COMMD10: variants seen among roughly 807,000 people sequenced by gnomAD.
COMMD10 encodes the protein COMM domain containing 10, also known as COMM domain-containing protein 10.
Under a neutral mutation model 28.9 loss-of-function variants are expected in COMMD10, and 33 were observed. That is an observed-to-expected ratio of 1.14 (90% CI 0.87 to 1.53). The LOEUF (loss-of-function observed/expected upper bound fraction) is 1.53. COMMD10 is among the 40% of genes most tolerant of loss of function. COMMD10 has a pLI of 0.00. For missense variants in COMMD10, 310 were observed against 233.4 expected, an observed-to-expected ratio of 1.33 and a Z score of -2.14; for synonymous variants, 110 against 81.7, an observed-to-expected ratio of 1.35 and a Z score of -1.87.
chr5:116,206,800 T>G (rs1288744227), intron 5 of COMMD10, among the ~76,000 whole-genome samples: 2 of 152,212 alleles, frequency 1.3e-5, no homozygotes, highest in Non-Finnish European at 2.9e-5. Context: ...AGCAAACCTC[T>G]TTGGCAGATT....
At chr5:116,190,471 G>A (rs558100144) in intron 5 of COMMD10, among the ~76,000 whole-genome samples, 12 of 152,142 alleles carry the variant, frequency 7.9e-5, no homozygotes, top group African/African-American at 2.9e-4. Context: ...TTTATAGTTT[G>A]ATAAATACCC....
intron 4 of COMMD10, among the ~76,000 whole-genome samples, chr5:116,116,931 T>C (rs1751259656): frequency 6.6e-6 from 1 of 152,192 alleles, no homozygotes; most frequent in Non-Finnish European, 1.5e-5. Flanking sequence ...TAACAAAGTA[T>C]AGAAAATTTT....
intron 5 of COMMD10, among the ~76,000 whole-genome samples, chr5:116,211,349 G>A (rs986242999): frequency 2.0e-5 from 3 of 152,092 alleles, no homozygotes; most frequent in African/African-American, 7.2e-5. Context: ...GTTACTCTAA[G>A]ACTGTAAACC....
chr5:116,121,467 C>A (rs530861521), intron 4 of COMMD10, among the ~76,000 whole-genome samples: 8 of 152,288 alleles, frequency 5.3e-5, no homozygotes, highest in African/African-American at 1.9e-4. Context: ...TTTATAGTAG[C>A]ATGATTTATA....
intron 5 of COMMD10, among the ~76,000 whole-genome samples, chr5:116,136,278 A>G (rs1200485820): frequency 2.6e-5 from 4 of 152,170 alleles, no homozygotes; most frequent in African/African-American, 9.6e-5. Context: ...GAACTGAGTA[A>G]GTTATTCCTT....
At chr5:116,218,461 A>G (rs1749161101) in intron 5 of COMMD10, among the ~76,000 whole-genome samples, 1 of 152,148 alleles carries the variant, frequency 6.6e-6, no homozygotes, top group Admixed American at 6.5e-5. Flanking sequence ...TGTACATTTA[A>G]GTTGTTTATT....
intron 5 of COMMD10, among the ~76,000 whole-genome samples, chr5:116,216,295 G>T (rs534974106): frequency 6.6e-6 from 1 of 152,186 alleles, no homozygotes; most frequent in Non-Finnish European, 1.5e-5. Context: ...TTAAATGTAT[G>T]TTAACAAAAG....
rs1195794556 is a variant in COMMD10 at position 116,129,018 on chromosome 5, T to C, written c.400-5050T>C. ...ACTGTATCACTACTCTTTTCTTTTA[T>C]AAATAAAGAGCAGTCGTGGGTAGAT... is the stretch of plus-strand genomic sequence containing the variant. On this transcript the variant is annotated intron_variant, in intron 4 of 6. Transcript: ENST00000274458. 2.6e-5 allele frequency among the ~76,000 whole-genome samples: 4 copies of C among 151,926 alleles called. No individual in the cohort carries two copies. The East Asian group carries it at 7.7e-4, about 29-fold the overall frequency.
intron 5 of COMMD10, among the ~76,000 whole-genome samples, chr5:116,273,486 T>G (rs975473031): frequency 6.6e-6 from 1 of 151,846 alleles, no homozygotes; most frequent in African/African-American, 2.4e-5. Flanking sequence ...CAATTTCAAG[T>G]TCAAAATTAT....
intron 5 of COMMD10, among the ~76,000 whole-genome samples, chr5:116,163,812 G>T (rs1394698121): frequency 4.6e-5 from 7 of 152,076 alleles, no homozygotes; most frequent in Admixed American, 3.9e-4. Flanking sequence ...GAAATTATAT[G>T]TCTTTTTTAA....
intron 4 of COMMD10, among the ~76,000 whole-genome samples, chr5:116,107,511 G>C (rs971686632): frequency 6.6e-6 from 1 of 152,012 alleles, no homozygotes; most frequent in Non-Finnish European, 1.5e-5. Context: ...TTCTCGTGCT[G>C]TGTTTTTCAG....
intron 5 of COMMD10, among the ~76,000 whole-genome samples, chr5:116,234,233 T>A (rs1171168823): frequency 6.6e-6 from 1 of 152,106 alleles, no homozygotes; most frequent in Non-Finnish European, 1.5e-5. Flanking sequence ...TACAATGAAA[T>A]TCCTCATAGA....
At chr5:116,145,199 A>T (rs927881143) in intron 5 of COMMD10, among the ~76,000 whole-genome samples, 1 of 151,836 alleles carries the variant, frequency 6.6e-6, no homozygotes, top group Non-Finnish European at 1.5e-5. Flanking sequence ...GTTATTTTGG[A>T]TATTGGACAA....
At chr5:116,245,670 G>A (rs1050724453) in intron 5 of COMMD10, among the ~76,000 whole-genome samples, 18 of 152,126 alleles carry the variant, frequency 1.2e-4, no homozygotes, top group Admixed American at 5.2e-4. Context: ...TCCCTGGGCT[G>A]CAAGGTCGGT....
chr5:116,215,701 T>A (rs1580555447), intron 5 of COMMD10, among the ~76,000 whole-genome samples: 1 of 18,598 alleles, frequency 5.4e-5, no homozygotes, highest in South Asian at 1.1e-3. Context: ...AAGAAATATA[T>A]ATATATATAT....
At chr5:116,115,928 T>C (rs1751218871) in intron 4 of COMMD10, among the ~76,000 whole-genome samples, 1 of 152,184 alleles carries the variant, frequency 6.6e-6, no homozygotes, top group Admixed American at 6.5e-5. Flanking sequence ...TAAAATGCAC[T>C]TATGGTTTTG....
chr5:116,128,581 T>C (rs1406155525), intron 4 of COMMD10, among the ~76,000 whole-genome samples: 2 of 151,982 alleles, frequency 1.3e-5, no homozygotes, highest in Non-Finnish European at 2.9e-5. Context: ...GTAACTAAAA[T>C]ATTGGTGATT....
At chr5:116,099,302 T>A (rs1231798138) in intron 4 of COMMD10, among the ~76,000 whole-genome samples, 1 of 152,198 alleles carries the variant, frequency 6.6e-6, no homozygotes, top group African/African-American at 2.4e-5. Context: ...TGGCAGTGTT[T>A]TCTTTTTAAA....
At chr5:116,240,558 G>C (rs1408313832) in intron 5 of COMMD10, among the ~76,000 whole-genome samples, 2 of 152,162 alleles carry the variant, frequency 1.3e-5, no homozygotes, top group Non-Finnish European at 2.9e-5. Context: ...GCTGGTAGGA[G>C]TTCTTCACAG....
Sources: gnomAD v4.1 joint callset for allele counts (sites outside exome capture counted in the v4.1 genomes callset) on GRCh38, gnomAD v4.1.1 for gene constraint, MANE v1.5 for transcripts, NCBI Gene and HGNC (gene_info 2026-07-23, HGNC 2026-07-21) for gene names.